The following MYO1H variants were observed in gnomAD, a reference collection of about 807,000 sequenced individuals.
MYO1H encodes the protein unconventional myosin-Ih.
In MYO1H, 118 loss-of-function variants were observed where a neutral mutation model predicts 149.3. The ratio of observed to expected loss-of-function variants is 0.79; its 90% CI spans 0.68 to 0.92. The LOEUF is 0.92. Ranked by LOEUF, MYO1H falls within the 40% of genes least tolerant of loss-of-function variation. MYO1H has a pLI of 0.00. For synonymous variants in MYO1H, 447 were observed against 465.2 expected (o/e 0.96, Z 0.50); for missense variants, 1,212 against 1,280.7 (o/e 0.95, Z 0.82).
In MYO1H at chr12:109,444,299, C is replaced by G; in HGVS notation, c.2895+16C>G. On this transcript the variant is annotated intron_variant, in intron 29 of 31. Coordinates refer to ENST00000310903, the Ensembl canonical transcript of MYO1H. The stretch of plus-strand genomic sequence containing the variant: ...CAAGCAAAAGGTAATTGACAGCCAC[C>G]AGTCTCTACTAAAAGACAGAAACAA... The G allele has an allele frequency of 6.2e-7, 1 of 1,610,394 alleles. No individual in the cohort carries two copies.
chr12:109,378,779 G>A (rs183842878), intron 1 of MYO1H, among the ~76,000 whole-genome samples: 1 of 152,286 alleles, frequency 6.6e-6, no homozygotes, highest in African/African-American at 2.4e-5. Flanking sequence ...TGGTGTGAGA[G>A]GAAGCAAGAG....
intron 18 of MYO1H, among the ~76,000 whole-genome samples, 186 bp from the exon 19 acceptor site, chr12:109,427,283 T>G (rs1406352922): frequency 2.2e-5 from 3 of 135,380 alleles, no homozygotes; most frequent in African/African-American, 8.7e-5. Flanking sequence ...GCCACTGCAC[T>G]CCAGCCTGGG....
chr12:109,409,926 A>G (rs895117434), intron 11 of MYO1H, 37 bp from the exon 12 acceptor site: 1 of 1,233,312 alleles, frequency 8.1e-7, no homozygotes, highest in South Asian at 1.5e-5. Context: ...TGTTCTCTTC[A>G]TATAACTTTA....
chr12:109,364,707 A>G (rs1216646740), intron 1 of MYO1H, among the ~76,000 whole-genome samples: 1 of 152,210 alleles, frequency 6.6e-6, no homozygotes. Flanking sequence ...AAACACAGAT[A>G]ATTTTTGTAA....
chr12:109,344,166 A>T (rs781256330), upstream of MYO1H, among the ~76,000 whole-genome samples: 14 of 152,144 alleles, frequency 9.2e-5, no homozygotes, highest in Non-Finnish European at 1.8e-4. Context: ...GCAGGGTGTT[A>T]TTTTCATCAC....
intron 13 of MYO1H, among the ~76,000 whole-genome samples, chr12:109,411,368 C>T (rs1195702907): frequency 6.6e-6 from 1 of 152,122 alleles, no homozygotes; most frequent in Non-Finnish European, 1.5e-5. Flanking sequence ...CTGCCAAATG[C>T]CAGGATTATA....
At chr12:109,441,881 A>G (rs1872145834) in intron 26 of MYO1H, among the ~76,000 whole-genome samples, 173 bp downstream of exon 26, 1 of 132,928 alleles carries the variant, frequency 7.5e-6, no homozygotes, top group Non-Finnish European at 1.6e-5. Flanking sequence ...ACCCCATCTC[A>G]ACTAAAATAC....
At chr12:109,313,440 A>AGG in the MYO1H span, among the ~76,000 whole-genome samples, 1 of 152,172 alleles carries the variant, frequency 6.6e-6, no homozygotes, top group Non-Finnish European at 1.5e-5. Flanking sequence ...TTTCCCCTTT[A>AGG]GGAGACCATG....
At position 109,407,285 on chromosome 12, in the gene MYO1H, C is replaced by T. The variant is rs79464357; in HGVS notation, c.1035+425C>T. On this transcript the variant is annotated intron_variant, in intron 9 of 31. Transcript: ENST00000310903. ...CATGACTGTGATTCTTTGAATGTCT[C>T]TCCATCCCTCCCTACCCTCAAATGA... Among the ~76,000 whole-genome samples the T allele has an allele frequency of 2.7e-3, 413 of 152,176 alleles. 3 individuals are homozygous for T. Among genetic ancestry groups the T allele is most frequent in the African/African-American group, 9.6e-3 (397 of 41,528 alleles).
chr12:109,334,003 T>C, the MYO1H span, among the ~76,000 whole-genome samples: 3 of 151,978 alleles, frequency 2.0e-5, no homozygotes, highest in African/African-American at 7.3e-5. Context: ...GTTTATGTAC[T>C]CATTATTTAC....
chr12:109,396,557 T>C, exon 4 of MYO1H: 1 of 1,613,376 alleles, frequency 6.2e-7, no homozygotes, highest in South Asian at 1.1e-5. Context: ...CGTGACAGAC[T>C]GCTGTTCTCC....
intron 15 of MYO1H, among the ~76,000 whole-genome samples, chr12:109,419,026 A>G (rs993422034): frequency 2.0e-5 from 3 of 152,344 alleles, no homozygotes; most frequent in Admixed American, 2.0e-4. Flanking sequence ...GATAATACAC[A>G]TGTAGAGCTA....
chr12:109,398,885 G>A (rs1196754320), intron 5 of MYO1H, among the ~76,000 whole-genome samples: 1 of 152,070 alleles, frequency 6.6e-6, no homozygotes. Flanking sequence ...CAGCCATACA[G>A]TCGCAATGAC....
chr12:109,317,500 G>A, the MYO1H span, among the ~76,000 whole-genome samples: 1 of 152,148 alleles, frequency 6.6e-6, no homozygotes, highest in Non-Finnish European at 1.5e-5. Context: ...TATTCTCAGA[G>A]AAAAATACAC....
the MYO1H span, among the ~76,000 whole-genome samples, chr12:109,340,354 A>AAT: frequency 1.3e-5 from 2 of 152,118 alleles, no homozygotes; most frequent in Non-Finnish European, 2.9e-5. Context: ...TTTTTAATAG[A>AAT]GATAGGGTTT....
the MYO1H span, among the ~76,000 whole-genome samples, chr12:109,329,498 T>C: frequency 6.6e-6 from 1 of 152,112 alleles, no homozygotes; most frequent in Non-Finnish European, 1.5e-5. Context: ...GATTAACCAG[T>C]CATCCTCAGT....
At chr12:109,422,847 G>T (rs1871231397) in intron 16 of MYO1H, among the ~76,000 whole-genome samples, 1 of 152,164 alleles carries the variant, frequency 6.6e-6, no homozygotes, top group African/African-American at 2.4e-5. Context: ...TCCGAGGTGG[G>T]TGGATCGCTT....
chr12:109,440,181 G>A (rs1276623750), intron 24 of MYO1H, among the ~76,000 whole-genome samples: 17 of 151,932 alleles, frequency 1.1e-4, no homozygotes, highest in Admixed American at 1.0e-3. Context: ...GATTACAGGC[G>A]CCCGCCACCA....
At chr12:109,410,693 G>C in exon 13 of MYO1H, 1 of 1,594,582 alleles carries the variant, frequency 6.3e-7, no homozygotes, top group Admixed American at 1.7e-5. Context: ...TTTAGTGGGA[G>C]CCAATTAAAT....
Sources: allele counts gnomAD v4.1 joint callset (sites outside exome capture counted in the v4.1 genomes callset), GRCh38; gene constraint gnomAD v4.1.1; transcripts MANE v1.5; gene names NCBI Gene and HGNC (gene_info 2026-07-23, HGNC 2026-07-21).